XXYLT1: variants seen among roughly 807,000 people sequenced by gnomAD.
The protein encoded by XXYLT1 is UDP-xylose:alpha-xyloside alpha-1,3-xylosyltransferase.
A neutral mutation model predicts 28.9 loss-of-function variants in XXYLT1; 20 were observed. That is an observed-to-expected ratio of 0.69 (90% CI 0.49 to 1.00). The LOEUF is 1.00. XXYLT1 is among the 50% of genes least tolerant of loss of function. The pLI is 0.00. For synonymous variants in XXYLT1, 257 were observed against 253.8 expected, an observed-to-expected ratio of 1.01 and a Z score of -0.12; for missense variants, 542 against 560.1, an observed-to-expected ratio of 0.97 and a Z score of 0.33.
chr3:195,250,012 G>C (rs1725189517), intron 1 of XXYLT1, among the ~76,000 whole-genome samples: 1 of 152,210 alleles, frequency 6.6e-6, no homozygotes, highest in Non-Finnish European at 1.5e-5. Context: ...ACGGAGGCCA[G>C]AGCCCTCCTC....
chr3:195,201,407 A>G (rs1458029385), intron 2 of XXYLT1, among the ~76,000 whole-genome samples: 1 of 152,208 alleles, frequency 6.6e-6, no homozygotes, highest in Non-Finnish European at 1.5e-5. Context: ...CTGGGGGTCC[A>G]TCTCAACCTC....
chr3:195,270,271 G>A (rs74943389), intron 1 of XXYLT1: 38,031 of 618,828 alleles, frequency 0.061, 1,459 homozygotes, highest in Non-Finnish European at 0.076. Flanking sequence ...TTAGCAAAAT[G>A]GGGGCGCGCG....
At position 195,079,911 on chromosome 3, in the gene XXYLT1, AG is replaced by A. The variant is rs1392217156; in HGVS notation, c.786-9801del. 2.0e-5 allele frequency among the ~76,000 whole-genome samples: 3 copies of A among 152,248 alleles called. No individual in the cohort carries two copies. In the East Asian group the frequency reaches 5.8e-4, roughly 29 times the overall value. On this transcript the variant is annotated intron_variant, in intron 3 of 3. Transcript: ENST00000310380. The stretch of plus-strand genomic sequence containing the variant: ...GAGTCAGGTGACTCTGGGACTGATA[AG>A]GGGAAGTGTCCCGCTCATCTTCATG...
chr3:195,141,631 C>T (rs146590168), intron 3 of XXYLT1, among the ~76,000 whole-genome samples: 35 of 152,276 alleles, frequency 2.3e-4, no homozygotes, highest in African/African-American at 7.2e-4. Context: ...CTTCAAAGAC[C>T]GAGAGCTCAG....
At chr3:195,181,863 G>A (rs1721967745) in intron 2 of XXYLT1, among the ~76,000 whole-genome samples, 1 of 152,232 alleles carries the variant, frequency 6.6e-6, no homozygotes, top group African/African-American at 2.4e-5. Flanking sequence ...GCTAAAGTCA[G>A]AGGTTAGCTC....
chr3:195,139,072 G>T lies in XXYLT1; in HGVS notation c.785+17377C>A, dbSNP rs1719348518. ...GAGAGGAGAGGTGGGTGCAGGGAGGGAGTAGCTGCCCCCAGTGTCAGGCTA... is the reference window on the plus strand; with the variant it reads ...GAGAGGAGAGGTGGGTGCAGGGAGGTAGTAGCTGCCCCCAGTGTCAGGCTA... On this transcript the variant is annotated intron_variant, in intron 3 of 3. Transcript: ENST00000310380. Among the ~76,000 whole-genome samples, 2 of 152,102 alleles carry T rather than the reference G, an allele frequency of 1.3e-5. 1 individual carries two copies. Among genetic ancestry groups the T allele is most frequent in the South Asian group, 4.1e-4 (2 of 4,830 alleles).
At chr3:195,194,732 G>A (rs1481657348) in intron 2 of XXYLT1, among the ~76,000 whole-genome samples, 1 of 152,080 alleles carries the variant, frequency 6.6e-6, no homozygotes, top group Non-Finnish European at 1.5e-5. Context: ...AAATTGAAAG[G>A]AATAAATGAC....
chr3:195,223,176 T>C (rs763109067), intron 2 of XXYLT1, among the ~76,000 whole-genome samples: 1 of 151,908 alleles, frequency 6.6e-6, no homozygotes, highest in Non-Finnish European at 1.5e-5. Context: ...GAGGTTGCAG[T>C]GAGCCGAGGT....
chr3:195,091,093 G>A (rs867479403), intron 3 of XXYLT1, among the ~76,000 whole-genome samples: 4 of 146,608 alleles, frequency 2.7e-5, no homozygotes, highest in Admixed American at 6.8e-5. Flanking sequence ...AATTCTACCA[G>A]AGGTACAAGG....
At chr3:195,215,905 T>C (rs1440537826) in intron 2 of XXYLT1, among the ~76,000 whole-genome samples, 1 of 152,136 alleles carries the variant, frequency 6.6e-6, no homozygotes, top group Non-Finnish European at 1.5e-5. Flanking sequence ...ATTCCAAACT[T>C]GACCACATAC....
intron 2 of XXYLT1, among the ~76,000 whole-genome samples, chr3:195,208,048 T>C (rs1418080398): frequency 6.6e-6 from 1 of 152,146 alleles, no homozygotes; most frequent in African/African-American, 2.4e-5. Context: ...CCAGATTCTA[T>C]TCACTAGAAG....
chr3:195,164,433 C>A (rs1001358478), intron 2 of XXYLT1, among the ~76,000 whole-genome samples: 2 of 152,244 alleles, frequency 1.3e-5, no homozygotes, highest in Non-Finnish European at 2.9e-5. Context: ...CAGCCCCAGG[C>A]TGCCATCCTG....
intron 3 of XXYLT1, among the ~76,000 whole-genome samples, chr3:195,109,471 T>C (rs1250983832): frequency 6.8e-6 from 1 of 147,268 alleles, no homozygotes; most frequent in Non-Finnish European, 1.5e-5. Context: ...ATGTGGTATA[T>C]GTGTGCATGT....
chr3:195,191,511 A>T (rs923294388), intron 2 of XXYLT1, among the ~76,000 whole-genome samples: 4 of 152,248 alleles, frequency 2.6e-5, no homozygotes, highest in Non-Finnish European at 4.4e-5. Flanking sequence ...GTAAGGAACC[A>T]AGTCAAAAGT....
At chr3:195,128,908 G>A (rs1222643476) in intron 3 of XXYLT1, among the ~76,000 whole-genome samples, 2 of 152,218 alleles carry the variant, frequency 1.3e-5, no homozygotes, top group Non-Finnish European at 2.9e-5. Flanking sequence ...ATAAATGAAA[G>A]CATGCGCCAA....
chr3:195,107,760 CG>C (rs1485929346), intron 3 of XXYLT1, among the ~76,000 whole-genome samples: 1 of 151,702 alleles, frequency 6.6e-6, no homozygotes, highest in Non-Finnish European at 1.5e-5. Flanking sequence ...GCGCTTCTGG[CG>C]GGGATCCAGC....
intron 2 of XXYLT1, among the ~76,000 whole-genome samples, chr3:195,225,897 C>T (rs540811448): frequency 6.6e-6 from 1 of 152,304 alleles, no homozygotes; most frequent in East Asian, 1.9e-4. Flanking sequence ...GTATTTGCTT[C>T]CCCTTCCATG....
chr3:195,207,449 G>A (rs903546832), intron 2 of XXYLT1: 3 of 456,416 alleles, frequency 6.6e-6, no homozygotes, highest in African/African-American at 4.0e-5. Context: ...CCGACAGACA[G>A]GCCTTCTGTT....
chr3:195,218,557 T>C (rs1313629879), intron 2 of XXYLT1, among the ~76,000 whole-genome samples: 9 of 151,144 alleles, frequency 6.0e-5, no homozygotes, highest in South Asian at 2.1e-4. Flanking sequence ...AAAAAACACA[T>C]GAAAAAATGC....
Sources: allele counts gnomAD v4.1 joint callset (sites outside exome capture counted in the v4.1 genomes callset), GRCh38; gene constraint gnomAD v4.1.1; transcripts MANE v1.5; gene names NCBI Gene and HGNC (gene_info 2026-07-23, HGNC 2026-07-21).